Variants in POLR3B observed in about 807,000 individuals in gnomAD.
POLR3B encodes RNA polymerase III subunit B.
In POLR3B, 96 loss-of-function variants were observed where a neutral mutation model predicts 147.4. The observed-to-expected ratio is 0.65, with a 90% CI of 0.55 to 0.77. POLR3B has a LOEUF of 0.77. POLR3B is among the 30% of genes least tolerant of loss of function. The pLI, the probability that POLR3B is intolerant of heterozygous loss-of-function variation, is 0.00. For missense variants in POLR3B, 1,036 were observed against 1,413.5 expected, an observed-to-expected ratio of 0.73 and a Z score of 4.28; for synonymous variants, 461 against 485.9, an observed-to-expected ratio of 0.95 and a Z score of 0.67.
At chr12:106,434,355 A>G (rs902740453) in intron 16 of POLR3B, among the ~76,000 whole-genome samples, 4 of 152,154 alleles carry the variant, frequency 2.6e-5, no homozygotes, top group Non-Finnish European at 4.4e-5. Context: ...TTTGCCCACT[A>G]TAGTCTGTTG....
intron 22 of POLR3B, 134 bp downstream of exon 22, chr12:106,459,502 A>G: frequency 7.1e-6 from 5 of 704,594 alleles, no homozygotes; most frequent in South Asian, 5.8e-5. Context: ...TTGTCATGGA[A>G]AAAGCATGGC....
Position 106,393,166 on chromosome 12 carries a change from A to T in POLR3B, c.846+13A>T. ...CACACAGATGCAGGTGTGTCTTTTC[A>T]TGTTGTCCTTTGCTATGAAATGGAA... is the stretch of plus-strand genomic sequence containing the variant. On this transcript the variant is annotated intron_variant, in intron 10 of 27. Transcript: ENST00000228347. The T allele has an allele frequency of 6.2e-7, 1 of 1,613,982 alleles. No homozygotes were observed. Among genetic ancestry groups the T allele is most frequent in the Non-Finnish European group, 8.5e-7 (1 of 1,179,938 alleles).
At chr12:106,432,618 A>G (rs2037525623) in intron 15 of POLR3B, 138 bp downstream of exon 15, 1 of 765,986 alleles carries the variant, frequency 1.3e-6, no homozygotes, top group African/African-American at 1.7e-5. Flanking sequence ...GGTAGAAAAT[A>G]CAATGATAAC....
At chr12:106,412,704 C>T (rs1037207522) in intron 12 of POLR3B, among the ~76,000 whole-genome samples, 3 of 152,178 alleles carry the variant, frequency 2.0e-5, no homozygotes, top group African/African-American at 7.2e-5. Flanking sequence ...TTTCAACCTC[C>T]AAATCTGTAC....
intron 25 of POLR3B, chr12:106,500,136 C>T: frequency 2.2e-6 from 1 of 455,996 alleles, no homozygotes; most frequent in Non-Finnish European, 4.4e-6. Context: ...TTCTTCCTCC[C>T]TGGATCGTTG....
At chr12:106,454,265 ATT>A (rs1329651457) in intron 19 of POLR3B, among the ~76,000 whole-genome samples, 3 of 152,192 alleles carry the variant, frequency 2.0e-5, no homozygotes, top group African/African-American at 7.2e-5. Context: ...AGTCTAAATT[ATT>A]TAGATTAAAA....
intron 21 of POLR3B, among the ~76,000 whole-genome samples, chr12:106,458,043 T>C (rs559931096): frequency 6.6e-6 from 1 of 152,142 alleles, no homozygotes; most frequent in African/African-American, 2.4e-5. Context: ...ATGGTGCACA[T>C]GAGTTGGTGG....
At chr12:106,402,796 A>G (rs1369182476) in intron 10 of POLR3B, among the ~76,000 whole-genome samples, 2 of 152,214 alleles carry the variant, frequency 1.3e-5, no homozygotes, top group Non-Finnish European at 2.9e-5. Flanking sequence ...TACACCTTAT[A>G]CAAAAATTAA....
chr12:106,369,188 A>G (rs565030383), intron 4 of POLR3B, 87 bp from the exon 5 acceptor site: 12 of 795,576 alleles, frequency 1.5e-5, no homozygotes, highest in South Asian at 1.5e-4. Context: ...ATCAAAACAT[A>G]ATCTTTGTAT....
intron 19 of POLR3B, chr12:106,446,434 A>G (rs1443013554): frequency 5.8e-6 from 2 of 343,490 alleles, no homozygotes; most frequent in African/African-American, 2.2e-5. Flanking sequence ...AAAAAAAAAA[A>G]AGAAAAGAGA....
At chr12:106,399,452 A>G (rs1327358913) in intron 10 of POLR3B, among the ~76,000 whole-genome samples, 5 of 152,238 alleles carry the variant, frequency 3.3e-5, no homozygotes, top group Middle Eastern at 3.2e-3. Context: ...GCAGGCCAAC[A>G]TTCAAATTCA....
At chr12:106,362,943 A>AT (rs2036488631) in intron 1 of POLR3B, among the ~76,000 whole-genome samples, 1 of 151,706 alleles carries the variant, frequency 6.6e-6, no homozygotes, top group Non-Finnish European at 1.5e-5. Context: ...TTTTCAGTCT[A>AT]TCCCCCCAAG....
chr12:106,360,015 C>T (rs1424359886), intron 1 of POLR3B, among the ~76,000 whole-genome samples: 1 of 152,212 alleles, frequency 6.6e-6, no homozygotes, highest in Non-Finnish European at 1.5e-5. Context: ...AACAGTTCCT[C>T]TTCCTGCACT....
At chr12:106,452,159 C>T (rs560090801) in intron 19 of POLR3B, among the ~76,000 whole-genome samples, 2 of 152,252 alleles carry the variant, frequency 1.3e-5, no homozygotes, top group African/African-American at 4.8e-5. Context: ...TTTTTATAAA[C>T]ATTTGGGAAT....
rs190019657 is a variant in POLR3B, at chr12:106,497,061, C to T, written c.2984+143C>T. Reference sequence around the variant, plus strand: ...GGCGGCATGTGGCCCAGGACGGCTTCGAATGCGGTCTGACACAAATTCGTA... The same window carrying T: ...GGCGGCATGTGGCCCAGGACGGCTTTGAATGCGGTCTGACACAAATTCGTA... On this transcript the variant is annotated intron_variant, in intron 25 of 27. Transcript: ENST00000228347. The T allele has an allele frequency of 5.3e-5, 39 of 737,620 alleles. No homozygotes were observed. In the East Asian group the frequency reaches 9.3e-4, roughly 18 times the overall value. 45.7% of individuals were successfully genotyped at this position (737,620 alleles called of 1,614,324 possible). A position where few individuals can be genotyped will look rare whatever the true frequency, so the allele number is the denominator to read the frequency against.
intron 15 of POLR3B, among the ~76,000 whole-genome samples, chr12:106,433,262 G>A (rs545598932): frequency 7.9e-4 from 121 of 152,236 alleles, no homozygotes; most frequent in Middle Eastern, 3.4e-3. Flanking sequence ...GAATCCTCCC[G>A]CTAACCTTGG....
intron 11 of POLR3B, among the ~76,000 whole-genome samples, chr12:106,409,355 G>T (rs2249787): frequency 0.94 from 115,939 of 122,894 alleles, 54,715 homozygotes; most frequent in East Asian, 0.99. Context: ...GGTTTTTTTT[G>T]TTTTTTTTTT....
intron 14 of POLR3B, 37 bp downstream of exon 14, chr12:106,430,510 G>C: frequency 6.5e-7 from 1 of 1,537,930 alleles, no homozygotes; most frequent in South Asian, 1.1e-5. Context: ...TGTGTAAGAG[G>C]CGATACCTAT....
intron 6 of POLR3B, among the ~76,000 whole-genome samples, chr12:106,371,149 A>C (rs1485226355): frequency 6.7e-6 from 1 of 149,170 alleles, no homozygotes; most frequent in Non-Finnish European, 1.5e-5. Flanking sequence ...GACACTTCTC[A>C]AAAGAAGACA....
Sources: allele counts gnomAD v4.1 joint callset (sites outside exome capture counted in the v4.1 genomes callset), GRCh38; gene constraint gnomAD v4.1.1; transcripts MANE v1.5; gene names NCBI Gene and HGNC (gene_info 2026-07-23, HGNC 2026-07-21).